HMCN1: variants seen among roughly 807,000 people sequenced by gnomAD.
The protein encoded by HMCN1 is hemicentin-1.
HMCN1 carries 321 observed loss-of-function variants against 625.9 expected under a neutral mutation model. That is an observed-to-expected ratio of 0.51 (90% CI 0.47 to 0.56). The LOEUF (loss-of-function observed/expected upper bound fraction) is 0.56, where lower values mean the gene tolerates loss of function less well. Among genes scored for constraint, HMCN1 ranks in the 20% least tolerant of loss-of-function variants. The pLI, the probability that HMCN1 is intolerant of heterozygous loss-of-function variation, is 0.00. For missense variants in HMCN1, 6,588 were observed against 6,887.3 expected, an observed-to-expected ratio of 0.96 and a Z score of 1.54; for synonymous variants, 2,425 against 2,417.6, an observed-to-expected ratio of 1.00 and a Z score of -0.09.
At chr1:185,993,818 G>T (rs149850770) in intron 23 of HMCN1, among the ~76,000 whole-genome samples, 1 of 152,138 alleles carries the variant, frequency 6.6e-6, no homozygotes, top group East Asian at 1.9e-4. Context: ...AACACACTGA[G>T]TGCATACTCT....
At chr1:186,168,505 T>C (rs191992085) in intron 100 of HMCN1, among the ~76,000 whole-genome samples, 15 of 148,694 alleles carry the variant, frequency 1.0e-4, no homozygotes, top group Non-Finnish European at 1.8e-4. Flanking sequence ...AGTTAACACA[T>C]TGTAGATTTT....
In HMCN1 at chr1:186,005,257, A is replaced by T. The variant is rs58843740; in HGVS notation, c.4475+1413A>T. ...ATTGTTTATAAACGTTTATAAACAA[A>T]TTTTTAATTGTTTATAAATGTTTAT... On this transcript the variant is annotated intron_variant, in intron 29 of 106. Transcript: ENST00000271588. Among the ~76,000 whole-genome samples the T allele has an allele frequency of 2.5e-3, 280 of 113,516 alleles. 22 individuals carry two copies. The highest frequency in any genetic ancestry group is 9.9e-3 in the African/African-American group (238 of 23,948). 74.5% of individuals were successfully genotyped at this position (113,516 alleles called of 152,430 possible). A position where few individuals can be genotyped will look rare whatever the true frequency, so the allele number is the denominator to read the frequency against.
rs762553489 is a variant in HMCN1, at chr1:185,928,544, A to AGT, written c.1431-1_1431insTG. ...AAAAGTTTTCCATTTTCTTACCTCC[A>AGT]GAGAATCTGCCAGTGTGAACTTAGA... On this transcript the variant is annotated splice_acceptor_variant, in intron 9 of 106. Transcript: ENST00000271588. LOFTEE classifies it high-confidence loss of function. The AGT allele has an allele frequency of 1.9e-6, 3 of 1,612,510 alleles. No homozygotes were observed. Among genetic ancestry groups the AGT allele is most frequent in the Non-Finnish European group, 2.5e-6 (3 of 1,178,772 alleles).
At chr1:186,136,465 T>A (rs187510240) in intron 86 of HMCN1, among the ~76,000 whole-genome samples, 14 of 152,302 alleles carry the variant, frequency 9.2e-5, no homozygotes, top group Admixed American at 9.2e-4. Context: ...TCAGGAATTT[T>A]AAATTTTTGA....
At chr1:185,870,899 A>G (rs565719783) in intron 4 of HMCN1, among the ~76,000 whole-genome samples, 6 of 152,162 alleles carry the variant, frequency 3.9e-5, no homozygotes, top group South Asian at 2.1e-4. Flanking sequence ...CCCAAATCCA[A>G]CTGGAAGCTA....
intron 85 of HMCN1, among the ~76,000 whole-genome samples, chr1:186,131,679 C>G (rs1203071814): frequency 1.3e-5 from 2 of 152,084 alleles, no homozygotes; most frequent in Non-Finnish European, 2.9e-5. Context: ...TTAAGGAGAC[C>G]TGAATTCTTC....
rs72707451 is a variant in HMCN1, at chr1:186,139,597, G to T, written c.13924+1625G>T. 2.0e-3 allele frequency among the ~76,000 whole-genome samples: 264 copies of T among 130,380 alleles called. 9 individuals carry two copies. Among genetic ancestry groups the T allele is most frequent in the Middle Eastern group, 4.0e-3 (1 of 248 alleles). The allele number at this position is 130,380 out of a possible 152,430, so 85.5% of individuals were successfully genotyped here. A position where few individuals can be genotyped will look rare whatever the true frequency, so the allele number is the denominator to read the frequency against. ...GTTTTGTTCACTATTCTATTGGCTT[G>T]TTTTTTTTTTTTTTAAAGGCTTTCT... is the stretch of plus-strand genomic sequence containing the variant. On this transcript the variant is annotated intron_variant, in intron 89 of 106. Coordinates refer to ENST00000271588, the MANE Select transcript of HMCN1 (RefSeq NM_031935.3).
In HMCN1 at chr1:186,181,492, G is replaced by A. The variant is rs73042573; in HGVS notation, c.16295-676G>A. 9.3e-3 allele frequency among the ~76,000 whole-genome samples: 1,421 copies of A among 152,218 alleles called. 25 individuals carry two copies. The highest frequency in any genetic ancestry group is 0.032 in the African/African-American group (1,347 of 41,552). ...ATGAACCTTTCAACAAAACTGTGAAGTAGGGCAGATGGTCTCAAGTGTCCC... is the reference window on the plus strand; with the variant it reads ...ATGAACCTTTCAACAAAACTGTGAAATAGGGCAGATGGTCTCAAGTGTCCC... On this transcript the variant is annotated intron_variant, in intron 104 of 106. Coordinates refer to ENST00000271588, the MANE Select transcript of HMCN1 (RefSeq NM_031935.3).
chr1:186,059,173 A>G (rs1230579582), intron 46 of HMCN1, among the ~76,000 whole-genome samples: 1 of 151,994 alleles, frequency 6.6e-6, no homozygotes, highest in Non-Finnish European at 1.5e-5. Flanking sequence ...AAACTTTCCT[A>G]TGTCCTTACT....
At chr1:186,171,197 T>C (rs1369465833) in intron 100 of HMCN1, 140 bp from the exon 101 acceptor site, 3 of 660,792 alleles carry the variant, frequency 4.5e-6, no homozygotes, top group Non-Finnish European at 5.4e-6. Context: ...ATTTGGCAGA[T>C]CACATGAGTG....
intron 1 of HMCN1, among the ~76,000 whole-genome samples, chr1:185,787,209 C>A (rs1039378745): frequency 6.7e-6 from 1 of 150,276 alleles, no homozygotes; most frequent in African/African-American, 2.4e-5. Flanking sequence ...GAACAATTGG[C>A]CTGAAAGGCA....
intron 48 of HMCN1, among the ~76,000 whole-genome samples, chr1:186,063,067 C>CGTATATATATATAT (rs1491268573): frequency 6.7e-5 from 4 of 59,840 alleles, no homozygotes; most frequent in East Asian, 6.0e-4. Context: ...TGTGTGTGTG[C>CGTATATATATATAT]ATATATATAT....
intron 25 of HMCN1, among the ~76,000 whole-genome samples, chr1:185,998,871 T>A (rs1652986650): frequency 6.6e-6 from 1 of 152,158 alleles, no homozygotes; most frequent in South Asian, 2.1e-4. Context: ...AGTAGTCTGA[T>A]TAAAGTTCAT....
intron 46 of HMCN1, among the ~76,000 whole-genome samples, chr1:186,057,978 A>T (rs931071973): frequency 6.6e-6 from 1 of 152,032 alleles, no homozygotes; most frequent in African/African-American, 2.4e-5. Flanking sequence ...CACTTGGCCC[A>T]TTTTATTAAT....
intron 64 of HMCN1, among the ~76,000 whole-genome samples, chr1:186,092,871 A>G (rs1308253381): frequency 1.3e-5 from 2 of 152,082 alleles, no homozygotes; most frequent in Non-Finnish European, 2.9e-5. Flanking sequence ...TTCAAACCTT[A>G]TATGGATAAC....
Position 186,054,743 on chromosome 1 carries a change from G to C in HMCN1, c.6863-650G>C, listed in dbSNP as rs553971979. ...GCAGCTTAATTGTATCAGCATAGGA[G>C]CTCTGGCATTCTACTGGTCCCTCCT... On this transcript the variant is annotated intron_variant, in intron 44 of 106. Coordinates refer to ENST00000271588, the MANE Select transcript of HMCN1 (RefSeq NM_031935.3). Among the ~76,000 whole-genome samples the C allele has an allele frequency of 9.2e-5, 14 of 152,098 alleles. No homozygotes were observed. In the East Asian group the frequency reaches 2.7e-3, roughly 29 times the overall value.
At chr1:185,916,617 T>A (rs1392047898) in intron 6 of HMCN1, among the ~76,000 whole-genome samples, 1 of 152,178 alleles carries the variant, frequency 6.6e-6, no homozygotes, top group Non-Finnish European at 1.5e-5. Flanking sequence ...TTTGTGTTTG[T>A]CTTACTTTGG....
chr1:185,909,874 C>G (rs1354007849), intron 5 of HMCN1, among the ~76,000 whole-genome samples: 1 of 152,002 alleles, frequency 6.6e-6, no homozygotes, highest in African/African-American at 2.4e-5. Flanking sequence ...TGGCTCACAC[C>G]AAGTAACTCT....
At chr1:186,161,075 A>G (rs1229500315) in intron 97 of HMCN1, among the ~76,000 whole-genome samples, 1 of 152,198 alleles carries the variant, frequency 6.6e-6, no homozygotes, top group Non-Finnish European at 1.5e-5. Context: ...CTAGGTCTCT[A>G]AGGACTTGCT....
Sources: gnomAD v4.1 joint callset for allele counts (sites outside exome capture counted in the v4.1 genomes callset) on GRCh38, gnomAD v4.1.1 for gene constraint, MANE v1.5 for transcripts, NCBI Gene and HGNC (gene_info 2026-07-23, HGNC 2026-07-21) for gene names.